NSUN6: variants seen among roughly 807,000 people sequenced by gnomAD.
The protein encoded by NSUN6 is tRNA (cytosine(72)-C(5))-methyltransferase NSUN6.
A neutral mutation model predicts 58.0 loss-of-function variants in NSUN6; 64 were observed. The observed-to-expected ratio is 1.10, with a 90% CI of 0.90 to 1.36. The LOEUF is 1.36. Among genes scored for constraint, NSUN6 ranks in the 40% most tolerant of loss-of-function variants. NSUN6 has a pLI of 0.00. For synonymous variants in NSUN6, 231 were observed against 193.9 expected (o/e 1.19, Z -1.59); for missense variants, 701 against 550.1 (o/e 1.27, Z -2.74).
intron 3 of NSUN6, among the ~76,000 whole-genome samples, chr10:18,626,304 C>T (rs1469623173): frequency 1.3e-5 from 2 of 151,358 alleles, no homozygotes; most frequent in Non-Finnish European, 2.9e-5. Flanking sequence ...CTTTGGGAGG[C>T]CGAGGAGGGT....
At chr10:18,573,017 T>C (rs2056459334) in intron 8 of NSUN6, among the ~76,000 whole-genome samples, 1 of 151,128 alleles carries the variant, frequency 6.6e-6, no homozygotes, top group African/African-American at 2.4e-5. Flanking sequence ...CATTCTCCAC[T>C]GTATTCCATT....
intron 7 of NSUN6, among the ~76,000 whole-genome samples, chr10:18,593,578 G>C (rs2057460379): frequency 6.6e-6 from 1 of 152,068 alleles, no homozygotes; most frequent in Non-Finnish European, 1.5e-5. Context: ...GAAGCTGGAA[G>C]TTATCATTCT....
intron 8 of NSUN6, among the ~76,000 whole-genome samples, chr10:18,567,326 G>GCATTC (rs574685819): frequency 9.8e-5 from 14 of 142,410 alleles, no homozygotes; most frequent in Non-Finnish European, 1.9e-4. Context: ...ATTCACCAAT[G>GCATTC]CATTCCATTC....
intron 3 of NSUN6, among the ~76,000 whole-genome samples, chr10:18,627,219 C>T (rs1304798831): frequency 2.0e-5 from 3 of 152,132 alleles, no homozygotes; most frequent in East Asian, 3.9e-4. Context: ...AATCTCATTT[C>T]AAGTAAACTG....
intron 3 of NSUN6, among the ~76,000 whole-genome samples, chr10:18,629,938 C>A (rs1376681006): frequency 1.3e-5 from 2 of 150,578 alleles, no homozygotes; most frequent in East Asian, 3.9e-4. Flanking sequence ...CACCCCAAAT[C>A]AACAGAATAT....
chr10:18,569,969 C>G lies in NSUN6; in HGVS notation c.922+15980G>C, dbSNP rs147767341. Reference sequence around the variant, plus strand: ...CTCCATACTACTCCCCATTCCATTACATTCCCCATTCCATTCTCAATTCCA... The same window carrying G: ...CTCCATACTACTCCCCATTCCATTAGATTCCCCATTCCATTCTCAATTCCA... On this transcript the variant is annotated intron_variant, in intron 8 of 10. Transcript: ENST00000377304. Among the ~76,000 whole-genome samples the G allele has an allele frequency of 6.0e-3, 906 of 150,316 alleles. 5 individuals are homozygous for G. The highest frequency in any genetic ancestry group is 0.011 in the Middle Eastern group (3 of 270).
At chr10:18,611,386 A>G (rs1590059585) in intron 5 of NSUN6, among the ~76,000 whole-genome samples, 1 of 152,210 alleles carries the variant, frequency 6.6e-6, no homozygotes, top group South Asian at 2.1e-4. Context: ...ATCTACATGC[A>G]TGTGTAGATA....
chr10:18,567,938 T>C (rs1243119234), intron 8 of NSUN6, among the ~76,000 whole-genome samples: 1 of 151,572 alleles, frequency 6.6e-6, no homozygotes, highest in Non-Finnish European at 1.5e-5. Flanking sequence ...CCATTCTCCA[T>C]TCCATTCCAT....
chr10:18,641,196 T>C (rs1303634426), intron 3 of NSUN6, among the ~76,000 whole-genome samples: 1 of 152,110 alleles, frequency 6.6e-6, no homozygotes, highest in Non-Finnish European at 1.5e-5. Context: ...CACTGCTCTA[T>C]TGCTGCCCAC....
chr10:18,576,452 C>G (rs921376296), intron 8 of NSUN6, among the ~76,000 whole-genome samples: 4 of 152,130 alleles, frequency 2.6e-5, no homozygotes, highest in Admixed American at 2.6e-4. Context: ...GTCCAACATT[C>G]TGTGGACCAC....
At chr10:18,580,723 T>A (rs533776302) in intron 8 of NSUN6, among the ~76,000 whole-genome samples, 312 of 152,196 alleles carry the variant, frequency 2.0e-3, no homozygotes, top group Non-Finnish European at 3.3e-3. Context: ...CCTGCCCCCA[T>A]CTCTGCAGCA....
chr10:18,626,799 T>C (rs1175906381), intron 3 of NSUN6, among the ~76,000 whole-genome samples: 2 of 151,776 alleles, frequency 1.3e-5, no homozygotes, highest in African/African-American at 4.8e-5. Flanking sequence ...GGAAATCGAG[T>C]AGGCTGAAAG....
At chr10:18,587,523 CAGTCTGTAGCTCCCAGCG>C (rs887531329) in intron 7 of NSUN6, among the ~76,000 whole-genome samples, 6 of 152,196 alleles carry the variant, frequency 3.9e-5, no homozygotes, top group African/African-American at 1.4e-4. Flanking sequence ...GAAACAGCTC[CAGTCTGTAGCTCCCAGCG>C]AGACCAATGC....
intron 8 of NSUN6, among the ~76,000 whole-genome samples, chr10:18,558,724 A>G (rs2055244266): frequency 6.9e-6 from 1 of 145,452 alleles, no homozygotes; most frequent in Admixed American, 6.9e-5. Context: ...AAGTGGAATG[A>G]AATGGAATGG....
intron 6 of NSUN6, among the ~76,000 whole-genome samples, chr10:18,600,979 T>TA (rs2057814070): frequency 4.0e-5 from 3 of 74,948 alleles, no homozygotes; most frequent in Middle Eastern, 5.3e-3. Context: ...TATATATATG[T>TA]ATATATATAT....
In NSUN6 at chr10:18,575,814, A is replaced by C. The variant is rs190855544; in HGVS notation, c.922+10135T>G. Among the ~76,000 whole-genome samples the C allele has an allele frequency of 3.2e-4, 48 of 152,266 alleles. No individual in the cohort carries two copies. In the East Asian group the frequency reaches 6.7e-3, roughly 21 times the overall value. ...CTGCTGATACTCCTACCTTTGAAAC[A>C]AAAGATCAATTCCTAAAAAATTATA... On this transcript the variant is annotated intron_variant, in intron 8 of 10. Transcript: ENST00000377304.
intron 3 of NSUN6, among the ~76,000 whole-genome samples, chr10:18,638,060 G>A (rs1417494888): frequency 6.6e-6 from 1 of 152,136 alleles, no homozygotes; most frequent in South Asian, 2.1e-4. Context: ...GTTTTCACTT[G>A]CTTCTATAAA....
chr10:18,572,992 TATTCC>T (rs2056457650), intron 8 of NSUN6, among the ~76,000 whole-genome samples: 2 of 150,692 alleles, frequency 1.3e-5, no homozygotes, highest in South Asian at 2.1e-4. Flanking sequence ...TTCCTTTCTC[TATTCC>T]ATTCCATTCC....
At chr10:18,562,307 G>A (rs1267474399) in intron 8 of NSUN6, among the ~76,000 whole-genome samples, 2 of 151,366 alleles carry the variant, frequency 1.3e-5, no homozygotes, top group Non-Finnish European at 2.9e-5. Context: ...ACGGAGAATG[G>A]AATGGAATGC....
Sources: allele counts gnomAD v4.1 joint callset (sites outside exome capture counted in the v4.1 genomes callset), GRCh38; gene constraint gnomAD v4.1.1; transcripts MANE v1.5; gene names NCBI Gene and HGNC (gene_info 2026-07-23, HGNC 2026-07-21).